The following SNX9 variants were observed in gnomAD, a reference collection of about 807,000 sequenced individuals.
SNX9 encodes sorting nexin-9.
A neutral mutation model predicts 89.4 loss-of-function variants in SNX9; 44 were observed. The observed-to-expected ratio is 0.49, with a 90% CI of 0.39 to 0.63. The LOEUF (loss-of-function observed/expected upper bound fraction) is 0.63, where lower values mean the gene tolerates loss of function less well. SNX9 is among the 30% of genes least tolerant of loss of function. SNX9 has a pLI of 0.00. For synonymous variants in SNX9, 236 were observed against 247.8 expected (o/e 0.95, Z 0.45); for missense variants, 578 against 736.1 (o/e 0.79, Z 2.49).
intron 10 of SNX9, among the ~76,000 whole-genome samples, chr6:157,923,407 CA>C (rs1783622566): frequency 6.9e-6 from 1 of 144,362 alleles, no homozygotes; most frequent in Non-Finnish European, 1.5e-5. Flanking sequence ...TATTTATCAG[CA>C]AAAACAGAAA....
intron 2 of SNX9, among the ~76,000 whole-genome samples, chr6:157,870,350 G>A (rs181423504): frequency 1.6e-4 from 24 of 150,522 alleles, no homozygotes; most frequent in Admixed American, 2.6e-4. Flanking sequence ...TCACACTCAT[G>A]CTCTCACACA....
intron 3 of SNX9, chr6:157,874,059 G>T (rs1782470919): frequency 1.3e-5 from 2 of 152,196 alleles, no homozygotes; most frequent in South Asian, 4.1e-4. Context: ...AAGAATAAAG[G>T]TACCTTTGGT....
chr6:157,869,787 C>T (rs1360922194), intron 2 of SNX9, among the ~76,000 whole-genome samples: 1 of 152,126 alleles, frequency 6.6e-6, no homozygotes, highest in Admixed American at 6.5e-5. Flanking sequence ...TGTGCACGTG[C>T]ACAGGCACAC....
chr6:157,869,015 A>T (rs535171190), intron 2 of SNX9, among the ~76,000 whole-genome samples: 1 of 152,342 alleles, frequency 6.6e-6, no homozygotes, highest in Admixed American at 6.5e-5. Flanking sequence ...TACCCTGGAG[A>T]TACAAAGACA....
chr6:157,826,225 G>T (rs931841353), intron 1 of SNX9, among the ~76,000 whole-genome samples: 4 of 152,080 alleles, frequency 2.6e-5, no homozygotes, highest in Non-Finnish European at 5.9e-5. Context: ...TCAGGGTCGG[G>T]CGCCGTCTCA....
At chr6:157,859,644 C>T in intron 1 of SNX9, among the ~76,000 whole-genome samples, 1 of 152,102 alleles carries the variant, frequency 6.6e-6, no homozygotes, top group East Asian at 1.9e-4. Flanking sequence ...CAAATTGTGG[C>T]CGTGGGGATC....
At chr6:157,849,585 A>G (rs1384968562) in intron 1 of SNX9, among the ~76,000 whole-genome samples, 2 of 152,232 alleles carry the variant, frequency 1.3e-5, no homozygotes, top group African/African-American at 4.8e-5. Flanking sequence ...GAAAATAATT[A>G]AAGATGACTT....
chr6:157,922,706 G>A (rs1022873837), intron 10 of SNX9, among the ~76,000 whole-genome samples: 2 of 152,134 alleles, frequency 1.3e-5, no homozygotes, highest in Non-Finnish European at 2.9e-5. Context: ...CACCAGATTG[G>A]GAATTAGACA....
At chr6:157,872,748 G>A in intron 2 of SNX9, 1 of 161,850 alleles carries the variant, frequency 6.2e-6, no homozygotes, top group Non-Finnish European at 1.3e-5. Context: ...GTGGCAGAGG[G>A]CAGATTCCAG....
intron 1 of SNX9, among the ~76,000 whole-genome samples, chr6:157,865,404 A>G (rs956139054): frequency 1.6e-4 from 24 of 150,948 alleles, no homozygotes; most frequent in African/African-American, 5.4e-4. Flanking sequence ...TTTTGCAGCC[A>G]TGTCAGGAAA....
intron 10 of SNX9, 38 bp from the exon 11 acceptor site, chr6:157,927,073 T>C: frequency 6.6e-7 from 1 of 1,507,486 alleles, no homozygotes; most frequent in Non-Finnish European, 9.2e-7. Context: ...AGTTTGACTG[T>C]GCTCTCCACT....
chr6:157,921,756 AG>A (rs1490811200), intron 10 of SNX9, 95 bp downstream of exon 10: 1 of 1,376,442 alleles, frequency 7.3e-7, no homozygotes, highest in African/African-American at 1.4e-5. Flanking sequence ...TATGTTGGTT[AG>A]TTATTTCTCA....
chr6:157,941,082 TAAACC>T (rs1784026889), intron 17 of SNX9, 108 bp downstream of exon 17: 1 of 970,130 alleles, frequency 1.0e-6, no homozygotes, highest in Non-Finnish European at 1.6e-6. Flanking sequence ...TCCTAAGTAA[TAAACC>T]AAAGGAGCCT....
intron 1 of SNX9, among the ~76,000 whole-genome samples, chr6:157,825,351 G>A (rs1055062198): frequency 3.3e-5 from 5 of 152,186 alleles, no homozygotes; most frequent in African/African-American, 9.7e-5. Flanking sequence ...GGTCTACTGA[G>A]GCATGTTATC....
intron 2 of SNX9, among the ~76,000 whole-genome samples, chr6:157,869,158 C>T (rs1782336196): frequency 6.6e-6 from 1 of 152,192 alleles, no homozygotes; most frequent in Non-Finnish European, 1.5e-5. Context: ...CACACCTCTC[C>T]CCGGCCTCAC....
intron 4 of SNX9, chr6:157,892,774 G>C (rs1295525817): frequency 6.6e-6 from 1 of 152,172 alleles, no homozygotes; most frequent in Non-Finnish European, 1.5e-5. Context: ...AGGCCCCAGC[G>C]AACATTCACT....
intron 1 of SNX9, among the ~76,000 whole-genome samples, chr6:157,841,340 A>G (rs1173988699): frequency 2.6e-5 from 4 of 152,208 alleles, no homozygotes; most frequent in African/African-American, 9.7e-5. Context: ...GAGGCACAAG[A>G]TAGAAATACA....
At chr6:157,843,998 C>T (rs977439445) in intron 1 of SNX9, among the ~76,000 whole-genome samples, 2 of 151,324 alleles carry the variant, frequency 1.3e-5, no homozygotes, top group African/African-American at 2.4e-5. Flanking sequence ...CCTTAGCCTC[C>T]TGCATAGCTG....
At chr6:157,845,353 T>G (rs989644720) in intron 1 of SNX9, among the ~76,000 whole-genome samples, 1 of 152,126 alleles carries the variant, frequency 6.6e-6, no homozygotes, top group Admixed American at 6.5e-5. Context: ...TCAGGTGGTC[T>G]GCCTGCCTTG....
Sources: allele counts gnomAD v4.1 joint callset (sites outside exome capture counted in the v4.1 genomes callset), GRCh38; gene constraint gnomAD v4.1.1; transcripts MANE v1.5; gene names NCBI Gene and HGNC (gene_info 2026-07-23, HGNC 2026-07-21).